Variants in GRIP1 observed in about 807,000 individuals in gnomAD.
GRIP1 encodes the protein glutamate receptor interacting protein 1, also known as glutamate receptor-interacting protein 1.
A neutral mutation model predicts 129.9 loss-of-function variants in GRIP1; 45 were observed. The observed-to-expected ratio is 0.35, with a 90% CI of 0.27 to 0.44. GRIP1 has a LOEUF of 0.44. Among genes scored for constraint, GRIP1 ranks in the 20% least tolerant of loss-of-function variants. The pLI is 1.00. For synonymous variants in GRIP1, 530 were observed against 520.8 expected (o/e 1.02, Z -0.24); for missense variants, 1,196 against 1,396.8 (o/e 0.86, Z 2.29).
intron 13 of GRIP1, among the ~76,000 whole-genome samples, chr12:66,439,092 T>C (rs1395783061): frequency 6.6e-6 from 1 of 152,134 alleles, no homozygotes; most frequent in Non-Finnish European, 1.5e-5. Context: ...CACCCAAACA[T>C]GACAGAAAGC....
intron 1 of GRIP1, among the ~76,000 whole-genome samples, chr12:66,756,199 C>T (rs1305665050): frequency 6.6e-6 from 1 of 152,184 alleles, no homozygotes; most frequent in African/African-American, 2.4e-5. Flanking sequence ...TTCCCCTCCC[C>T]CAGACCCTGG....
At chr12:66,493,891 C>T (rs2060169515) in intron 7 of GRIP1, among the ~76,000 whole-genome samples, 1 of 152,178 alleles carries the variant, frequency 6.6e-6, no homozygotes, top group Non-Finnish European at 1.5e-5. Flanking sequence ...GCTTATTCCT[C>T]TCCTCTCTCC....
intron 15 of GRIP1, among the ~76,000 whole-genome samples, chr12:66,409,120 C>T (rs1252403644): frequency 1.3e-5 from 2 of 152,162 alleles, no homozygotes; most frequent in Non-Finnish European, 2.9e-5. Context: ...AAGGATACTA[C>T]CCTGGCTGGC....
chr12:66,573,970 C>T (rs2063052809), intron 2 of GRIP1, among the ~76,000 whole-genome samples: 1 of 152,172 alleles, frequency 6.6e-6, no homozygotes, highest in Admixed American at 6.5e-5. Flanking sequence ...CATGATAATC[C>T]CTTTTCCATA....
chr12:67,069,329 C>CGGCCG (rs1164300802), upstream of GRIP1, among the ~76,000 whole-genome samples: 9 of 110,128 alleles, frequency 8.2e-5, no homozygotes, highest in African/African-American at 2.8e-4. Context: ...GCGGCGGCGG[C>CGGCCG]GGCCGGGCCG....
intron 1 of GRIP1, among the ~76,000 whole-genome samples, chr12:66,672,667 A>C (rs2034136999): frequency 6.6e-6 from 1 of 152,140 alleles, no homozygotes; most frequent in Non-Finnish European, 1.5e-5. Context: ...GATGAGTTTC[A>C]AACACTGACG....
chr12:66,522,716 C>T (rs12811496), intron 5 of GRIP1, among the ~76,000 whole-genome samples: 72,060 of 151,878 alleles, frequency 0.47, 17,341 homozygotes, highest in African/African-American at 0.56. Context: ...AGACTTCAGA[C>T]GATCAAACTA....
intron 5 of GRIP1, among the ~76,000 whole-genome samples, chr12:66,529,506 G>A (rs2061373351): frequency 6.6e-6 from 1 of 152,158 alleles, no homozygotes; most frequent in African/African-American, 2.4e-5. Flanking sequence ...TGGAATTGGA[G>A]ACCATTATTT....
chr12:66,732,585 C>T (rs1300743668), intron 1 of GRIP1, among the ~76,000 whole-genome samples: 1 of 151,882 alleles, frequency 6.6e-6, no homozygotes, highest in Non-Finnish European at 1.5e-5. Flanking sequence ...GAATGAAGAC[C>T]TTTTTGATGA....
chr12:66,961,220 A>G (rs1436723523), intron 1 of GRIP1, among the ~76,000 whole-genome samples: 1 of 152,114 alleles, frequency 6.6e-6, no homozygotes, highest in Non-Finnish European at 1.5e-5. Context: ...GCAGAGACGG[A>G]GGAGGAGCAA....
At chr12:66,768,534 A>G (rs572614674) in intron 1 of GRIP1, among the ~76,000 whole-genome samples, 2 of 152,320 alleles carry the variant, frequency 1.3e-5, no homozygotes, top group South Asian at 4.1e-4. Context: ...CAGTGGGCTC[A>G]CCAGCAGGCT....
intron 1 of GRIP1, among the ~76,000 whole-genome samples, chr12:66,956,577 T>C (rs73132077): frequency 0.012 from 1,880 of 152,248 alleles, 21 homozygotes; most frequent in Non-Finnish European, 0.018. Flanking sequence ...TAAATGAGTG[T>C]AGAAAGATGT....
chr12:66,589,194 TTCTC>T lies in GRIP1; in HGVS notation c.136+7649_136+7652del, dbSNP rs10582806. Among the ~76,000 whole-genome samples, 562 of 95,604 alleles carry T rather than the reference TTCTC, an allele frequency of 5.9e-3. 4 individuals are homozygous for T. Among genetic ancestry groups the T allele is most frequent in the Middle Eastern group, 0.04 (8 of 198 alleles). 62.7% of individuals were successfully genotyped at this position (95,604 alleles called of 152,430 possible). ...TGTATAATTATTCCCCTCCCCCACC[TTCTC>T]TCTCTCTCTCTCTCTCTCTCTCTCT... On this transcript the variant is annotated intron_variant, in intron 2 of 24. Transcript: ENST00000359742.
chr12:66,362,894 A>G (rs1287594020), intron 23 of GRIP1, among the ~76,000 whole-genome samples: 2 of 151,768 alleles, frequency 1.3e-5, no homozygotes, highest in Non-Finnish European at 2.9e-5. Flanking sequence ...GACTCTGCAA[A>G]CGTGGATGGC....
intron 23 of GRIP1, among the ~76,000 whole-genome samples, chr12:66,366,450 G>A (rs2055149541): frequency 6.6e-6 from 1 of 152,168 alleles, no homozygotes; most frequent in Admixed American, 6.6e-5. Flanking sequence ...AACTTGGCAG[G>A]GGGAAAAGGC....
rs772054029 is a variant in GRIP1, at chr12:66,392,755, T to G, written c.2191A>C (p.Lys731Gln). The change falls in exon 18 of 25, where the codon AAG (lysine) becomes CAG (glutamine). Residue 731 changes from lysine to glutamine, a missense_variant. Transcript: ENST00000359742. Reference protein sequence around the residue: ...LAINSSSLKGKPLSEAIHLLQ... With the variant: ...LAINSSSLKGQPLSEAIHLLQ... The stretch of plus-strand genomic sequence containing the variant: ...AAATGGATGGCTTCACTCAGAGGCT[T>G]CCCTTTCAAGCTGCTGCTATTGATG... 9 of 1,614,092 alleles carry G rather than the reference T, an allele frequency of 5.6e-6. No individual in the cohort carries two copies. In the South Asian group the frequency reaches 9.9e-5, roughly 18 times the overall value.
At chr12:66,527,220 T>G (rs1283455037) in intron 5 of GRIP1, among the ~76,000 whole-genome samples, 1 of 150,548 alleles carries the variant, frequency 6.6e-6, no homozygotes, top group Non-Finnish European at 1.5e-5. Context: ...TAAAGACACA[T>G]GCACACGTAT....
intron 7 of GRIP1, among the ~76,000 whole-genome samples, chr12:66,504,366 A>G (rs1382430055): frequency 1.3e-5 from 2 of 152,194 alleles, no homozygotes; most frequent in African/African-American, 2.4e-5. Flanking sequence ...AGATGACAAC[A>G]AACTATTCTA....
intron 14 of GRIP1, among the ~76,000 whole-genome samples, chr12:66,429,255 A>T (rs1218202531): frequency 6.6e-6 from 1 of 152,198 alleles, no homozygotes; most frequent in African/African-American, 2.4e-5. Flanking sequence ...GGTGAAGACG[A>T]CAGAAAGAGG....
Sources: gnomAD v4.1 joint callset for allele counts (sites outside exome capture counted in the v4.1 genomes callset) on GRCh38, gnomAD v4.1.1 for gene constraint, MANE v1.5 for transcripts, NCBI Gene and HGNC (gene_info 2026-07-23, HGNC 2026-07-21) for gene names.